Variants in DHCR24 observed in about 807,000 individuals in gnomAD.
The protein encoded by DHCR24 is delta(24)-sterol reductase.
Under a neutral mutation model 61.2 loss-of-function variants are expected in DHCR24, and 28 were observed. That is an observed-to-expected ratio of 0.46 (90% CI 0.34 to 0.63). The LOEUF (loss-of-function observed/expected upper bound fraction) is 0.63. DHCR24 is among the 20% of genes least tolerant of loss of function. The pLI, the probability that DHCR24 is intolerant of heterozygous loss-of-function variation, is 0.01. For synonymous variants in DHCR24, 261 were observed against 275.9 expected (o/e 0.95, Z 0.54); for missense variants, 538 against 679.1 (o/e 0.79, Z 2.31).
At chr1:54,864,957 C>A (rs17111142) in intron 6 of DHCR24, among the ~76,000 whole-genome samples, 6 of 152,144 alleles carry the variant, frequency 3.9e-5, no homozygotes, top group Non-Finnish European at 8.8e-5. Flanking sequence ...CCACTTCCTA[C>A]TAATGTTCCT....
intron 4 of DHCR24, among the ~76,000 whole-genome samples, chr1:54,874,322 A>C (rs1453747384): frequency 6.6e-6 from 1 of 152,224 alleles, no homozygotes; most frequent in African/African-American, 2.4e-5. Flanking sequence ...AGCTCCATGC[A>C]TGGTAAGTAC....
chr1:54,885,027 T>C (rs1647085291), intron 1 of DHCR24, among the ~76,000 whole-genome samples: 1 of 152,128 alleles, frequency 6.6e-6, no homozygotes, highest in South Asian at 2.1e-4. Context: ...GCCAATAAAA[T>C]CCCTTTTTGC....
intron 7 of DHCR24, 150 bp downstream of exon 7, chr1:54,853,887 T>G: frequency 1.1e-6 from 1 of 890,586 alleles, no homozygotes; most frequent in Non-Finnish European, 1.8e-6. Flanking sequence ...GGTTGAGGCC[T>G]CAGCAGACAT....
In DHCR24 at chr1:54,887,001, A is replaced by T; in HGVS notation, c.119T>A (p.Leu40Gln). ...GATATCGAAGATAAGCGAGAGCGGCAGGAGGAAGAGGCACACGAACACCCA... is the reference window on the plus strand; with the variant it reads ...GATATCGAAGATAAGCGAGAGCGGCTGGAGGAAGAGGCACACGAACACCCA... ...QRWVFVCLFLLPLSLIFDIYY... is the reference protein window; with the variant it reads ...QRWVFVCLFLQPLSLIFDIYY... Residue 40 changes from leucine (L) to glutamine (Q), a missense_variant, in exon 1 of 9, where the codon CTG becomes CAG. Leu to Gln is a moderately radical substitution (Grantham distance 113). Transcript: ENST00000371269. 1.9e-6 allele frequency: 3 copies of T among 1,613,694 alleles called. No homozygotes were observed. Among genetic ancestry groups the T allele is most frequent in the Non-Finnish European group, 2.5e-6 (3 of 1,179,760 alleles).
At chr1:54,852,791 A>C (rs1646884026) in intron 8 of DHCR24, among the ~76,000 whole-genome samples, 1 of 152,044 alleles carries the variant, frequency 6.6e-6, no homozygotes, top group African/African-American at 2.4e-5. Context: ...CAAGGACTCC[A>C]ATCACTGCAG....
At chr1:54,873,389 T>G (rs998512578) in intron 4 of DHCR24, among the ~76,000 whole-genome samples, 1 of 152,220 alleles carries the variant, frequency 6.6e-6, no homozygotes, top group Non-Finnish European at 1.5e-5. Context: ...AATGACTCTG[T>G]CATTGGTTTA....
intron 2 of DHCR24, among the ~76,000 whole-genome samples, chr1:54,880,570 G>A (rs1269496858): frequency 6.6e-6 from 1 of 152,026 alleles, no homozygotes; most frequent in Non-Finnish European, 1.5e-5. Context: ...TTCGAAACCA[G>A]CCTGACCAAT....
chr1:54,851,858 A>G lies in DHCR24; in HGVS notation c.*375T>C. 3.6e-6 allele frequency: 1 copy of G among 276,322 alleles called. No homozygotes were observed. The highest frequency in any genetic ancestry group is 7.0e-6 in the Non-Finnish European group (1 of 142,880). The allele number at this position is 276,322 out of a possible 1,614,324, so 17.1% of individuals were successfully genotyped here. ...CGCTGAACGGGAAGCAACAAGAGCT[A>G]CCACTTACCCAGCACCTTCAATGTG... On this transcript the variant is annotated 3_prime_UTR_variant, in exon 9 of 9. Coordinates refer to ENST00000371269, the MANE Select transcript of DHCR24 (RefSeq NM_014762.4).
Position 54,871,383 on chromosome 1 carries a change from T to C in DHCR24, c.843A>G (p.Thr281=), listed in dbSNP as rs1418815686. 6.2e-7 allele frequency: 1 copy of C among 1,614,128 alleles called. No individual in the cohort carries two copies. Among genetic ancestry groups the C allele is most frequent in the Middle Eastern group, 1.6e-4 (1 of 6,062 alleles). ...LYSLDEAVIM[T]GVMTDEAEPS... ...GCTCTGCCTCATCTGTCATGACCCC[T>C]GTCATAATGACAGCCTCATCCAGGG... Residue 281 remains threonine, a synonymous_variant, in exon 5 of 9, where the codon ACA becomes ACG. Transcript: ENST00000371269.
intron 7 of DHCR24, 46 bp from the exon 8 acceptor site, chr1:54,853,658 G>T (rs767173802): frequency 6.3e-7 from 1 of 1,580,422 alleles, no homozygotes; most frequent in South Asian, 1.1e-5. Flanking sequence ...TCTCCAACAG[G>T]TGACAGGCTC....
intron 2 of DHCR24, among the ~76,000 whole-genome samples, chr1:54,881,888 C>A (rs1188573351): frequency 6.6e-6 from 1 of 152,138 alleles, no homozygotes; most frequent in Non-Finnish European, 1.5e-5. Context: ...AAACCAAATA[C>A]CGCATGTTCT....
chr1:54,882,521 C>T (rs1223489648), intron 2 of DHCR24, among the ~76,000 whole-genome samples: 2 of 152,216 alleles, frequency 1.3e-5, no homozygotes, highest in African/African-American at 4.8e-5. Flanking sequence ...AAGGCATGTG[C>T]CCATACAAAG....
At chr1:54,869,348 A>G (rs571205848) in intron 5 of DHCR24, among the ~76,000 whole-genome samples, 3 of 152,316 alleles carry the variant, frequency 2.0e-5, no homozygotes, top group South Asian at 4.1e-4. Context: ...GGTCATATCT[A>G]TTAATATTTA....
intron 6 of DHCR24, among the ~76,000 whole-genome samples, chr1:54,854,841 C>T (rs1646897989): frequency 6.6e-6 from 1 of 152,160 alleles, no homozygotes; most frequent in South Asian, 2.1e-4. Flanking sequence ...CCTGGAAACC[C>T]TCCTGCGCAG....
rs1291073112 is a variant in DHCR24 at position 54,865,208 on chromosome 1, C to A, written c.1020+95G>T. ...TTCCTTAGGACAAAGCCACTCTTTA[C>A]CCTGAAGGGAGAGAGTATGGCTACA... On this transcript the variant is annotated intron_variant, in intron 6 of 8. Coordinates refer to ENST00000371269, the MANE Select transcript of DHCR24 (RefSeq NM_014762.4). 4.7e-6 allele frequency: 7 copies of A among 1,480,090 alleles called. No homozygotes were observed. The Admixed American group carries it at 1.2e-4, about 25-fold the overall frequency. 91.7% of individuals were successfully genotyped at this position (1,480,090 alleles called of 1,614,324 possible).
Position 54,852,311 on chromosome 1 carries a change from G to A in DHCR24, c.1473C>T (p.His491=). Residue 491 remains histidine, a synonymous_variant, in exon 9 of 9, where the codon CAC becomes CAT. Transcript: ENST00000371269. ...FWEMFDGSLY[H]KLREKLGCQD... is the part of the protein sequence containing the mutation. ...GGCAACCCAGCTTCTCTCGCAGCTT[G>A]TGGTACAAGGAGCCATCAAACATCT... 12 of 1,614,244 alleles carry A rather than the reference G, an allele frequency of 7.4e-6. No individual in the cohort carries two copies. Among genetic ancestry groups the A allele is most frequent in the Non-Finnish European group, 9.3e-6 (11 of 1,180,036 alleles).
chr1:54,887,187 G>C lies in DHCR24; in HGVS notation c.-68C>G. Reference sequence around the variant, plus strand: ...GTCACTGCCGCCAGCTCCGCGCCTGGCCCGCTCTGCGCCTGTAGCCCACAG... The same window carrying C: ...GTCACTGCCGCCAGCTCCGCGCCTGCCCCGCTCTGCGCCTGTAGCCCACAG... On this transcript the variant is annotated 5_prime_UTR_variant, in exon 1 of 9. Coordinates refer to ENST00000371269, the MANE Select transcript of DHCR24 (RefSeq NM_014762.4). The C allele has an allele frequency of 7.3e-7, 1 of 1,369,518 alleles. No individual in the cohort carries two copies. Among genetic ancestry groups the C allele is most frequent in the Non-Finnish European group, 9.9e-7 (1 of 1,005,722 alleles). The allele number at this position is 1,369,518 out of a possible 1,614,324, so 84.8% of individuals were successfully genotyped here. A position where few individuals can be genotyped will look rare whatever the true frequency, so the allele number is the denominator to read the frequency against.
chr1:54,885,822 T>G (rs1220851193), intron 1 of DHCR24, among the ~76,000 whole-genome samples: 1 of 152,100 alleles, frequency 6.6e-6, no homozygotes, highest in African/African-American at 2.4e-5. Context: ...AATGGAGAAT[T>G]TGAACTCGAG....
intron 2 of DHCR24, among the ~76,000 whole-genome samples, chr1:54,878,477 G>A (rs538471209): frequency 1.3e-3 from 159 of 121,724 alleles, no homozygotes; most frequent in Middle Eastern, 8.2e-3. Flanking sequence ...TTGCACCACT[G>A]TACTCCAGCC....
Sources: allele counts gnomAD v4.1 joint callset (sites outside exome capture counted in the v4.1 genomes callset), GRCh38; gene constraint gnomAD v4.1.1; transcripts MANE v1.5; gene names NCBI Gene and HGNC (gene_info 2026-07-23, HGNC 2026-07-21).